The following MRPS9 variants were observed in gnomAD, a reference collection of about 807,000 sequenced individuals.
The protein encoded by MRPS9 is small ribosomal subunit protein uS9m.
MRPS9 carries 45 observed loss-of-function variants against 59.9 expected under a neutral mutation model. The ratio of observed to expected loss-of-function variants is 0.75; its 90% confidence interval spans 0.59 to 0.96. The LOEUF (loss-of-function observed/expected upper bound fraction) is 0.96. Among genes scored for constraint, MRPS9 ranks in the 40% least tolerant of loss-of-function variants. The pLI is 0.00. For synonymous variants in MRPS9, 171 were observed against 166.8 expected (o/e 1.03, Z -0.19); for missense variants, 473 against 481.1 (o/e 0.98, Z 0.16).
At chr2:105,067,393 G>A (rs1031661389) in intron 2 of MRPS9, among the ~76,000 whole-genome samples, 3 of 152,056 alleles carry the variant, frequency 2.0e-5, no homozygotes, top group South Asian at 2.1e-4. Context: ...TATACTTCTC[G>A]TTACATCCAC....
At chr2:105,093,058 G>C (rs1489711636) in intron 8 of MRPS9, among the ~76,000 whole-genome samples, 4 of 152,090 alleles carry the variant, frequency 2.6e-5, no homozygotes, top group African/African-American at 7.2e-5. Context: ...AAGATTTCAC[G>C]TCATTGTCAT....
chr2:105,081,866 T>C (rs1267186522), intron 5 of MRPS9, among the ~76,000 whole-genome samples: 3 of 152,240 alleles, frequency 2.0e-5, no homozygotes, highest in African/African-American at 4.8e-5. Flanking sequence ...TTCAGCATTA[T>C]GTATAGCAGG....
At chr2:105,090,508 A>G (rs1193593283) in intron 7 of MRPS9, among the ~76,000 whole-genome samples, 1 of 151,836 alleles carries the variant, frequency 6.6e-6, no homozygotes, top group African/African-American at 2.4e-5. Context: ...CTGGTTACAA[A>G]CTACAGTGTC....
intron 1 of MRPS9, among the ~76,000 whole-genome samples, chr2:105,038,867 G>A (rs1679442054): frequency 6.6e-6 from 1 of 152,206 alleles, no homozygotes; most frequent in South Asian, 2.1e-4. Context: ...AACGAGTTTA[G>A]TATGGGATTA....
intron 4 of MRPS9, among the ~76,000 whole-genome samples, chr2:105,078,155 T>TTC (rs1680251069): frequency 6.6e-6 from 1 of 151,548 alleles, no homozygotes; most frequent in East Asian, 1.9e-4. Flanking sequence ...TTTTTTTTTT[T>TTC]TTTTCAAATT....
At chr2:105,041,503 A>G (rs1269800307) in intron 1 of MRPS9, among the ~76,000 whole-genome samples, 1 of 148,862 alleles carries the variant, frequency 6.7e-6, no homozygotes. Context: ...CTGTAAACAC[A>G]TTCCTGTCTC....
chr2:105,094,923 T>C (rs959015012), intron 9 of MRPS9, among the ~76,000 whole-genome samples: 1 of 152,238 alleles, frequency 6.6e-6, no homozygotes, highest in Non-Finnish European at 1.5e-5. Flanking sequence ...TCTTATTCTT[T>C]GGTTTGAATT....
chr2:105,096,975 T>C, intron 9 of MRPS9, 180 bp from the exon 10 acceptor site: 1 of 552,712 alleles, frequency 1.8e-6, no homozygotes, highest in Admixed American at 4.4e-5. Context: ...AGCAAATCAT[T>C]CAAAATGTCA....
chr2:105,042,718 A>T (rs1205522018), intron 1 of MRPS9, among the ~76,000 whole-genome samples: 1 of 152,222 alleles, frequency 6.6e-6, no homozygotes, highest in Non-Finnish European at 1.5e-5. Flanking sequence ...CATTATAGCA[A>T]CATTCTCACT....
Position 105,092,416 on chromosome 2 carries a change from C to A in MRPS9, c.667C>A (p.Arg223=). 3 of 1,610,894 alleles carry A rather than the reference C, an allele frequency of 1.9e-6. No homozygotes were observed. The highest frequency in any genetic ancestry group is 2.2e-5 in the East Asian group (1 of 44,844). Residue 223 remains arginine (R), a synonymous_variant, in exon 8 of 11, where the codon CGG becomes AGG. Coordinates refer to ENST00000258455, the MANE Select transcript of MRPS9 (RefSeq NM_182640.3). ...TTGTCTGCAGTATATGCAGTTCATT[C>A]GGCTGCTAGAAAAGTTATTGACATC... ...LSDLDYMQFI[R]LLEKLLTSQC...
intron 2 of MRPS9, among the ~76,000 whole-genome samples, chr2:105,053,461 C>T (rs1484767541): frequency 6.6e-6 from 1 of 152,102 alleles, no homozygotes; most frequent in African/African-American, 2.4e-5. Context: ...AAATAATGAT[C>T]GTGAAGACCA....
Position 105,092,491 on chromosome 2 carries a change from G to A in MRPS9, c.742G>A (p.Val248Ile), listed in dbSNP as rs1558763551. ...EEFVQRFRRSVTLESKKQLIE... is the reference protein window; with the variant it reads ...EEFVQRFRRSITLESKKQLIE... The stretch of plus-strand genomic sequence containing the variant: ...ATTTGTGCAGAGGTTTCGAAGAAGT[G>A]TAACTCTTGAATCAAAAAAACAGCT... The change falls in exon 8 of 11, where the codon GTA (valine) becomes ATA (isoleucine). Residue 248 changes from valine (V) to isoleucine (I), a missense_variant. Val to Ile is a conservative substitution (Grantham distance 29). Coordinates refer to ENST00000258455, the MANE Select transcript of MRPS9 (RefSeq NM_182640.3). The A allele has an allele frequency of 3.1e-6, 5 of 1,613,942 alleles. No homozygotes were observed. The highest frequency in any genetic ancestry group is 4.2e-6 in the Non-Finnish European group (5 of 1,179,930).
At chr2:105,052,649 T>G (rs1679733460) in intron 2 of MRPS9, among the ~76,000 whole-genome samples, 1 of 152,212 alleles carries the variant, frequency 6.6e-6, no homozygotes, top group African/African-American at 2.4e-5. Context: ...TAGGAAGTGT[T>G]CTCTCCTCTT....
At chr2:105,059,072 GTT>G (rs58396321) in intron 2 of MRPS9, among the ~76,000 whole-genome samples, 11 of 138,272 alleles carry the variant, frequency 8.0e-5, no homozygotes, top group Non-Finnish European at 9.4e-5. Flanking sequence ...GTTCTGTGGG[GTT>G]TTTTTTTTTT....
At chr2:105,066,607 A>G (rs1485821538) in intron 2 of MRPS9, among the ~76,000 whole-genome samples, 1 of 152,130 alleles carries the variant, frequency 6.6e-6, no homozygotes, top group African/African-American at 2.4e-5. Flanking sequence ...TAATTTTCAT[A>G]TTTGGAAATG....
intron 2 of MRPS9, among the ~76,000 whole-genome samples, chr2:105,059,266 T>G (rs566408631): frequency 1.3e-5 from 2 of 152,206 alleles, no homozygotes; most frequent in Non-Finnish European, 2.9e-5. Context: ...TCTATTCCTG[T>G]GGCAGATTTT....
rs569755635 is a variant in MRPS9 at position 105,047,845 on chromosome 2, A to G, written c.136-1326A>G. On this transcript the variant is annotated intron_variant, in intron 1 of 10. Transcript: ENST00000258455. ...AAGGACCAGCAGCAGCAAGTGTGAT[A>G]TAATTACTGATGCCTTTAAAAGATA... 1.2e-3 allele frequency among the ~76,000 whole-genome samples: 188 copies of G among 152,160 alleles called. 2 individuals carry two copies. The highest frequency in any genetic ancestry group is 2.3e-3 in the Non-Finnish European group (154 of 67,934).
intron 2 of MRPS9, among the ~76,000 whole-genome samples, chr2:105,066,242 G>C (rs1286182440): frequency 1.3e-5 from 2 of 152,042 alleles, no homozygotes; most frequent in East Asian, 3.9e-4. Context: ...TTGCTCTGTG[G>C]ACCTTTTCCA....
intron 2 of MRPS9, among the ~76,000 whole-genome samples, chr2:105,069,417 G>A (rs892699902): frequency 2.6e-5 from 4 of 152,032 alleles, no homozygotes; most frequent in East Asian, 1.9e-4. Flanking sequence ...GTTTCACCAC[G>A]TTGGCCAGTC....
Sources: allele counts gnomAD v4.1 joint callset (sites outside exome capture counted in the v4.1 genomes callset), GRCh38; gene constraint gnomAD v4.1.1; transcripts MANE v1.5; gene names NCBI Gene and HGNC (gene_info 2026-07-23, HGNC 2026-07-21).